IQSEC1: variants seen among roughly 807,000 people sequenced by gnomAD.
IQSEC1 encodes IQ motif and SEC7 domain-containing protein 1.
A neutral mutation model predicts 91.0 loss-of-function variants in IQSEC1; 31 were observed. That is an observed-to-expected ratio of 0.34 (90% CI 0.26 to 0.46). The LOEUF (loss-of-function observed/expected upper bound fraction) is 0.46, where lower values mean the gene tolerates loss of function less well. Ranked by LOEUF, IQSEC1 falls within the 20% of genes least tolerant of loss-of-function variation. The pLI is 1.00. For synonymous variants in IQSEC1, 699 were observed against 662.6 expected (o/e 1.05, Z -0.84); for missense variants, 1,388 against 1,575.6 (o/e 0.88, Z 2.02).
chr3:12,931,847 C>A (rs923708766), intron 3 of IQSEC1, among the ~76,000 whole-genome samples: 4 of 152,198 alleles, frequency 2.6e-5, no homozygotes, highest in Admixed American at 2.6e-4. Context: ...GTACAGGGCC[C>A]TGTGCTGGAA....
Position 13,177,496 on chromosome 3 carries a change from A to G in IQSEC1, c.273-13363T>C, listed in dbSNP as rs189652710. The stretch of plus-strand genomic sequence containing the variant: ...TGTGAACCTCATCTCCTTTGTGATG[A>G]TTTACCCCGGGACACCAGCCTGAGC... On this transcript the variant is annotated intron_variant, in intron 1 of 15. Coordinates refer to the IQSEC1 transcript ENST00000648114. 2.6e-3 allele frequency among the ~76,000 whole-genome samples: 399 copies of G among 152,332 alleles called. 1 individual carries two copies. The highest frequency in any genetic ancestry group is 8.1e-3 in the African/African-American group (337 of 41,566).
In IQSEC1 at chr3:13,008,222, T is replaced by G. The variant is rs1484036296; in HGVS notation, c.23+64770A>C. On this transcript the variant is annotated intron_variant, in intron 1 of 13. Coordinates refer to ENST00000613206, the MANE Select transcript of IQSEC1 (RefSeq NM_001134382.3). This position sits in a 1 kb window ranked among gnomAD's most constrained non-coding sequence, Gnocchi z 4.1. ...CATTACCATCACCACCTTGTCACCC[T>G]CCGTCTGGGGTCTGAGGCCAAGCTG... 6.6e-6 allele frequency among the ~76,000 whole-genome samples: 1 copy of G among 152,168 alleles called. No homozygotes were observed. The highest frequency in any genetic ancestry group is 1.5e-5 in the Non-Finnish European group (1 of 68,032).
At chr3:13,111,632 T>C (rs1706246399) in intron 2 of IQSEC1, among the ~76,000 whole-genome samples, 1 of 151,874 alleles carries the variant, frequency 6.6e-6, no homozygotes. Flanking sequence ...TATTTGGGGG[T>C]GGGGCCTTTG....
chr3:12,930,272 C>T (rs1385660272), intron 3 of IQSEC1, among the ~76,000 whole-genome samples: 1 of 152,208 alleles, frequency 6.6e-6, no homozygotes, highest in Non-Finnish European at 1.5e-5. Flanking sequence ...CCTCAGCCTC[C>T]CAAGCAGCTG....
At chr3:13,067,696 T>C (rs360866) in intron 1 of IQSEC1, among the ~76,000 whole-genome samples, 98,774 of 152,204 alleles carry the variant, frequency 0.65, 32,410 homozygotes, top group East Asian at 0.86. Context: ...GGCACACAGA[T>C]CTGGCTGGGG....
At chr3:13,125,213 T>C (rs1165164093) in intron 2 of IQSEC1, among the ~76,000 whole-genome samples, 3 of 152,234 alleles carry the variant, frequency 2.0e-5, no homozygotes, top group African/African-American at 7.2e-5. Context: ...TAGGGGCCTT[T>C]GCTCCTGCTA....
chr3:13,089,527 G>C (rs999357648), intron 2 of IQSEC1, among the ~76,000 whole-genome samples: 1 of 152,214 alleles, frequency 6.6e-6, no homozygotes, highest in Non-Finnish European at 1.5e-5. Flanking sequence ...CAAGGCTTCA[G>C]TGAGCTGTGT....
intron 1 of IQSEC1, among the ~76,000 whole-genome samples, chr3:13,272,275 C>G (rs1695601593): frequency 6.6e-6 from 1 of 152,232 alleles, no homozygotes; most frequent in African/African-American, 2.4e-5. Context: ...AGAATCATGG[C>G]AAGTGCTTAC....
At chr3:12,912,785 A>T (rs1695694953) in intron 9 of IQSEC1, among the ~76,000 whole-genome samples, 1 of 151,484 alleles carries the variant, frequency 6.6e-6, no homozygotes, top group African/African-American at 2.4e-5. Flanking sequence ...TGCAGTGGGC[A>T]CTTCTGCCCC....
At chr3:13,036,674 C>T (rs565092182) in intron 1 of IQSEC1, among the ~76,000 whole-genome samples, 4 of 152,246 alleles carry the variant, frequency 2.6e-5, no homozygotes, top group Admixed American at 6.5e-5. Context: ...CCAGGAAGCT[C>T]GGCCAGCTTC....
intron 2 of IQSEC1, among the ~76,000 whole-genome samples, chr3:13,150,673 C>T (rs1028524111): frequency 6.6e-6 from 1 of 152,186 alleles, no homozygotes; most frequent in African/African-American, 2.4e-5. Context: ...TGCATTCGAT[C>T]TCCTCACAAG....
intron 1 of IQSEC1, among the ~76,000 whole-genome samples, chr3:13,071,930 G>A (rs910315587): frequency 6.6e-6 from 1 of 152,170 alleles, no homozygotes; most frequent in Non-Finnish European, 1.5e-5. Flanking sequence ...AGCAGAGGCA[G>A]AGGTGTGTTT....
In IQSEC1 at chr3:12,922,515, T is replaced by G. The variant is rs1015706122; in HGVS notation, c.1731-273A>C. ...TTTCCCAGTGGGGCAGAGCATATGGTTATCTGGATCAAAGCCCTTCCCAAG... is the reference window on the plus strand; with the variant it reads ...TTTCCCAGTGGGGCAGAGCATATGGGTATCTGGATCAAAGCCCTTCCCAAG... On this transcript the variant is annotated intron_variant, in intron 4 of 13. Coordinates refer to ENST00000613206, the MANE Select transcript of IQSEC1 (RefSeq NM_001134382.3). This position sits in a 1 kb window ranked among gnomAD's most constrained non-coding sequence, Gnocchi z 5.1. Among the ~76,000 whole-genome samples, 15 of 152,138 alleles carry G rather than the reference T, an allele frequency of 9.9e-5. No individual in the cohort carries two copies. The highest frequency in any genetic ancestry group is 3.4e-4 in the African/African-American group (14 of 41,422).
intron 1 of IQSEC1, among the ~76,000 whole-genome samples, chr3:13,221,553 G>T (rs1362923760): frequency 7.6e-6 from 1 of 131,806 alleles, no homozygotes; most frequent in Non-Finnish European, 1.6e-5. Flanking sequence ...ACCCCAGGCC[G>T]CCTGGCCAAG....
chr3:13,152,868 T>TCAAAA lies in IQSEC1; in HGVS notation c.302+11231_302+11235dup, dbSNP rs566107750. Among the ~76,000 whole-genome samples the TCAAAA allele has an allele frequency of 8.7e-3, 1,322 of 152,190 alleles. 5 individuals are homozygous for TCAAAA. Among genetic ancestry groups the TCAAAA allele is most frequent in the Non-Finnish European group, 0.015 (994 of 67,990 alleles). ...CTGGGTGATAGAGCAAGACTCCGTCTCAAAACAAAACAAAACAAAAACAAC... is the reference window on the plus strand; with the variant it reads ...CTGGGTGATAGAGCAAGACTCCGTCTCAAAACAAAACAAAACAAAACAAAAACAAC... On this transcript the variant is annotated intron_variant, in intron 2 of 15. Transcript: ENST00000648114.
chr3:13,122,287 C>G (rs549237773), intron 2 of IQSEC1, among the ~76,000 whole-genome samples: 2 of 152,230 alleles, frequency 1.3e-5, no homozygotes, highest in African/African-American at 2.4e-5. Context: ...TGCAAAGGCC[C>G]GGGACAGGGA....
chr3:13,135,033 C>G (rs551189463), intron 2 of IQSEC1, among the ~76,000 whole-genome samples: 46 of 152,320 alleles, frequency 3.0e-4, no homozygotes, highest in Non-Finnish European at 3.5e-4. Flanking sequence ...TCAGAAGGAA[C>G]TGCGTCGTGT....
intron 1 of IQSEC1, among the ~76,000 whole-genome samples, chr3:13,227,001 G>A (rs2125083182): frequency 6.6e-6 from 1 of 152,212 alleles, no homozygotes; most frequent in East Asian, 1.9e-4. Flanking sequence ...GGGATCGTTT[G>A]AGCCCAGGAG....
At chr3:13,186,220 G>T (rs550457266) in intron 1 of IQSEC1, among the ~76,000 whole-genome samples, 47 of 152,258 alleles carry the variant, frequency 3.1e-4, no homozygotes, top group African/African-American at 1.1e-3. Context: ...CTGAGGGCAG[G>T]GATGGGCCTG....
Sources: gnomAD v4.1 joint callset for allele counts (sites outside exome capture counted in the v4.1 genomes callset) on GRCh38, gnomAD v4.1.1 for gene constraint, Gnocchi (gnomAD v3.1) non-coding constraint, MANE v1.5 for transcripts, NCBI Gene and HGNC (gene_info 2026-07-23, HGNC 2026-07-21) for gene names.